The following OSBPL9 variants were observed in gnomAD, a reference collection of about 807,000 sequenced individuals.
OSBPL9 encodes the protein oxysterol binding protein like 9, also known as oxysterol-binding protein-related protein 9.
A neutral mutation model predicts 106.6 loss-of-function variants in OSBPL9; 40 were observed. The observed-to-expected ratio is 0.38, with a 90% CI of 0.29 to 0.49. The LOEUF is 0.49. Among genes scored for constraint, OSBPL9 ranks in the 20% least tolerant of loss-of-function variants. The pLI is 0.97. For synonymous variants in OSBPL9, 269 were observed against 295.4 expected (o/e 0.91, Z 0.92); for missense variants, 609 against 887.2 (o/e 0.69, Z 3.98).
chr1:51,533,360 C>G, the OSBPL9 span, among the ~76,000 whole-genome samples: 1 of 151,748 alleles, frequency 6.6e-6, no homozygotes, highest in African/African-American at 2.4e-5. Flanking sequence ...GTGGTGCATG[C>G]CTGTAGTCCC....
intron 4 of OSBPL9, among the ~76,000 whole-genome samples, chr1:51,716,899 C>T (rs900363356): frequency 2.0e-5 from 3 of 152,052 alleles, no homozygotes; most frequent in South Asian, 2.1e-4. Flanking sequence ...ACAAAACTCC[C>T]CCCACCCACT....
At chr1:51,741,760 C>A (rs775624117) in intron 4 of OSBPL9, among the ~76,000 whole-genome samples, 3 of 151,560 alleles carry the variant, frequency 2.0e-5, no homozygotes, top group Non-Finnish European at 4.4e-5. Flanking sequence ...AATTTAATTT[C>A]TTGTTACATC....
chr1:51,660,147 A>G (rs1216060605), intron 2 of OSBPL9, among the ~76,000 whole-genome samples: 1 of 151,936 alleles, frequency 6.6e-6, no homozygotes, highest in Non-Finnish European at 1.5e-5. Context: ...AAAGAAGATT[A>G]CTCTTTACCC....
chr1:51,728,880 T>C (rs145187644), intron 4 of OSBPL9, among the ~76,000 whole-genome samples: 108 of 152,104 alleles, frequency 7.1e-4, no homozygotes, highest in African/African-American at 2.6e-3. Context: ...TGGGTACCAG[T>C]AGAGACATAA....
chr1:51,541,048 T>C, the OSBPL9 span, among the ~76,000 whole-genome samples: 4 of 152,006 alleles, frequency 2.6e-5, no homozygotes, highest in African/African-American at 9.7e-5. Context: ...GGAGAATCGC[T>C]TGAACCCGAG....
At chr1:51,728,156 G>C (rs1663472239) in intron 4 of OSBPL9, among the ~76,000 whole-genome samples, 1 of 152,214 alleles carries the variant, frequency 6.6e-6, no homozygotes, top group African/African-American at 2.4e-5. Flanking sequence ...CGGTAGGTAA[G>C]GCTAAACCTT....
intron 15 of OSBPL9, among the ~76,000 whole-genome samples, chr1:51,777,175 G>T (rs143669031): frequency 2.0e-5 from 3 of 152,136 alleles, no homozygotes; most frequent in African/African-American, 7.2e-5. Flanking sequence ...AAGGCCAATG[G>T]TATAAGTTTA....
At chr1:51,668,606 C>T (rs1170335484) in intron 2 of OSBPL9, among the ~76,000 whole-genome samples, 1 of 152,050 alleles carries the variant, frequency 6.6e-6, no homozygotes, top group East Asian at 1.9e-4. Context: ...TGGGTGACAG[C>T]CTAGGCAACA....
intron 3 of OSBPL9, among the ~76,000 whole-genome samples, chr1:51,670,112 G>T (rs1649519712): frequency 6.6e-6 from 1 of 152,178 alleles, no homozygotes; most frequent in South Asian, 2.1e-4. Flanking sequence ...TGGTTCACCG[G>T]TAGAAAGGGT....
the OSBPL9 span, among the ~76,000 whole-genome samples, chr1:51,564,512 A>G: frequency 6.6e-6 from 1 of 152,194 alleles, no homozygotes; most frequent in Non-Finnish European, 1.5e-5. Context: ...TACAAGATCA[A>G]AAACAGCCTA....
chr1:51,784,020 G>A lies in OSBPL9; in HGVS notation c.1619G>A (p.Gly540Glu). 1 of 1,607,382 alleles carries A rather than the reference G, an allele frequency of 6.2e-7. No homozygotes were observed. Among genetic ancestry groups the A allele is most frequent in the Non-Finnish European group, 8.5e-7 (1 of 1,174,212 alleles). ...LGMSIGVHNI[G>E]QGCVSCLDYD... Reference sequence around the variant, plus strand: ...ATGTCAATTGGGGTGCACAACATAGGGCAGGGTAAGTGTGTTGGCATTGGG... The same window carrying A: ...ATGTCAATTGGGGTGCACAACATAGAGCAGGGTAAGTGTGTTGGCATTGGG... Residue 540 changes from glycine (G) to glutamate (E), a missense_variant, in exon 18 of 24, where the codon GGG becomes GAG. This residue lies in a region of OSBPL9 where 356 missense variants were observed against 505.8 expected (regional missense o/e 0.70). Coordinates refer to ENST00000428468, the MANE Select transcript of OSBPL9 (RefSeq NM_024586.6).
chr1:51,528,259 G>A, the OSBPL9 span, among the ~76,000 whole-genome samples: 1 of 151,908 alleles, frequency 6.6e-6, no homozygotes, highest in Admixed American at 6.5e-5. Context: ...AGATGATCTT[G>A]TATATATAGA....
chr1:51,745,791 G>A (rs1667852047), intron 5 of OSBPL9, among the ~76,000 whole-genome samples, 160 bp downstream of exon 5: 1 of 151,870 alleles, frequency 6.6e-6, no homozygotes, highest in Admixed American at 6.6e-5. Flanking sequence ...TTATTCAAAG[G>A]TCTTTATCTC....
intron 3 of OSBPL9, among the ~76,000 whole-genome samples, chr1:51,691,089 C>T (rs556494921): frequency 6.6e-6 from 1 of 152,116 alleles, no homozygotes; most frequent in East Asian, 1.9e-4. Context: ...TTACCATGAA[C>T]GGAGCTTGCA....
In OSBPL9 at chr1:51,787,494, C is replaced by T; in HGVS notation, c.2136+6C>T. On this transcript the variant is annotated splice_donor_region_variant and intron_variant, in intron 23 of 23. Transcript: ENST00000428468. ...AAATTCAGTGGGAGACAAGGGTAAG[C>T]TTGCCTGCCCCACCCTCCTAAGTGC... 1 of 1,613,812 alleles carries T rather than the reference C, an allele frequency of 6.2e-7. No homozygotes were observed. The highest frequency in any genetic ancestry group is 1.3e-5 in the African/African-American group (1 of 75,022).
intron 2 of OSBPL9, among the ~76,000 whole-genome samples, chr1:51,654,964 G>A (rs1646728790): frequency 6.6e-6 from 1 of 152,132 alleles, no homozygotes; most frequent in African/African-American, 2.4e-5. Context: ...TTTCAGTTTG[G>A]AAAGATGAAA....
chr1:51,619,642 G>A (rs1644306959), intron 1 of OSBPL9, among the ~76,000 whole-genome samples: 1 of 152,066 alleles, frequency 6.6e-6, no homozygotes, highest in African/African-American at 2.4e-5. Flanking sequence ...GTACCATCTT[G>A]TGAAAATAAA....
At chr1:51,688,566 A>G (rs1281155233) in intron 3 of OSBPL9, among the ~76,000 whole-genome samples, 1 of 152,138 alleles carries the variant, frequency 6.6e-6, no homozygotes, top group African/African-American at 2.4e-5. Flanking sequence ...GCTGTGAGCT[A>G]TGATTGTGTC....
chr1:51,617,282 G>C, intron 1 of OSBPL9, 61 bp downstream of exon 1: 1 of 1,509,960 alleles, frequency 6.6e-7, no homozygotes, highest in Non-Finnish European at 9.0e-7. Flanking sequence ...GGTGGAGGTG[G>C]GGGACCGGGG....
Sources: gnomAD v4.1 joint callset for allele counts (sites outside exome capture counted in the v4.1 genomes callset) on GRCh38, gnomAD v4.1.1 for gene constraint, gnomAD v4.1.1 regional missense constraint, MANE v1.5 for transcripts, NCBI Gene and HGNC (gene_info 2026-07-23, HGNC 2026-07-21) for gene names.